KIAA1549: variants seen among roughly 807,000 people sequenced by gnomAD.
KIAA1549 encodes KIAA1549, also known as UPF0606 protein KIAA1549.
In KIAA1549, 70 loss-of-function variants were observed where a neutral mutation model predicts 156.4. That is an observed-to-expected ratio of 0.45 (90% CI 0.37 to 0.55). The LOEUF is 0.55. Ranked by LOEUF, KIAA1549 falls within the 20% of genes least tolerant of loss-of-function variation. KIAA1549 has a pLI of 0.00. For synonymous variants in KIAA1549, 1,103 were observed against 1,066.4 expected, an observed-to-expected ratio of 1.03 and a Z score of -0.67; for missense variants, 2,428 against 2,540.9, an observed-to-expected ratio of 0.96 and a Z score of 0.96.
intron 1 of KIAA1549, among the ~76,000 whole-genome samples, chr7:138,960,251 C>A (rs972715378): frequency 4.6e-5 from 7 of 151,952 alleles, no homozygotes; most frequent in African/African-American, 1.7e-4. Context: ...GCCTGGGCAA[C>A]ATAGTGAGAC....
In KIAA1549 at chr7:138,879,547, G is replaced by A; in HGVS notation, c.4336C>T (p.Pro1446Ser). 6.4e-7 allele frequency: 1 copy of A among 1,559,756 alleles called. No homozygotes were observed. Among genetic ancestry groups the A allele is most frequent in the Non-Finnish European group, 8.7e-7 (1 of 1,151,118 alleles). ...AVNDGRSHRA[P>S]QSGPPLPSSG... The stretch of plus-strand genomic sequence containing the variant: ...CAGAAGAGTCACAGACCGCTCTGCG[G>A]AGCTCTGTGGGACCTGCCATCGTTG... The change falls in exon 12 of 20, where the codon CCG (proline) becomes TCG (serine). Residue 1446 changes from proline to serine, a missense_variant. Coordinates refer to ENST00000422774, the MANE Select transcript of KIAA1549 (RefSeq NM_001164665.2).
chr7:138,922,980 C>G (rs1812605843), intron 1 of KIAA1549, among the ~76,000 whole-genome samples: 2 of 151,772 alleles, frequency 1.3e-5, no homozygotes, highest in Admixed American at 1.3e-4. Flanking sequence ...AAATCCAAAC[C>G]TATACACATC....
intron 12 of KIAA1549, among the ~76,000 whole-genome samples, chr7:138,874,298 C>T (rs977871742): frequency 3.3e-5 from 5 of 151,798 alleles, no homozygotes; most frequent in African/African-American, 4.8e-5. Context: ...ATAAATTTTA[C>T]TATAGAGTCA....
At position 138,834,603 on chromosome 7, in the gene KIAA1549, G is replaced by A; in HGVS notation, c.*3303C>T. 1 of 231,524 alleles carries A rather than the reference G, an allele frequency of 4.3e-6. No individual in the cohort carries two copies. 14.3% of individuals were successfully genotyped at this position (231,524 alleles called of 1,614,324 possible). On this transcript the variant is annotated 3_prime_UTR_variant, in exon 20 of 20. Transcript: ENST00000422774. The stretch of plus-strand genomic sequence containing the variant: ...TGCCAGAGACACCAGAAAGTCGGGA[G>A]CAGAAAGATGCTTAATAAATGCAAT...
At chr7:138,890,757 T>C (rs769345209) in intron 10 of KIAA1549, among the ~76,000 whole-genome samples, 12 of 152,348 alleles carry the variant, frequency 7.9e-5, no homozygotes, top group Admixed American at 2.6e-4. Flanking sequence ...TCACTGTCCA[T>C]ACTGCCTCCC....
intron 15 of KIAA1549, among the ~76,000 whole-genome samples, chr7:138,865,804 C>T (rs1030301999): frequency 6.6e-6 from 1 of 152,136 alleles, no homozygotes; most frequent in African/African-American, 2.4e-5. Flanking sequence ...AAGACAGGTT[C>T]CTCCCCATAC....
intron 1 of KIAA1549, among the ~76,000 whole-genome samples, chr7:138,957,157 T>C (rs1277976506): frequency 6.6e-6 from 1 of 152,126 alleles, no homozygotes. Flanking sequence ...CAGTTCCCCA[T>C]ATGGGGAATG....
At chr7:138,898,878 A>G in intron 9 of KIAA1549, 77 bp downstream of exon 9, 1 of 1,279,996 alleles carries the variant, frequency 7.8e-7, no homozygotes. Flanking sequence ...CTTTACATTC[A>G]GAGCTCACTG....
intron 1 of KIAA1549, among the ~76,000 whole-genome samples, chr7:138,979,838 ATG>A (rs1253528540): frequency 2.0e-5 from 3 of 152,178 alleles, no homozygotes; most frequent in Non-Finnish European, 4.4e-5. Flanking sequence ...AGGTGTGGAT[ATG>A]TCTATGGGCC....
At position 138,972,641 on chromosome 7, in the gene KIAA1549, C is replaced by CA. The variant is rs1307111748; in HGVS notation, c.187+8441dup. On this transcript the variant is annotated intron_variant, in intron 1 of 19. Transcript: ENST00000422774. ...TCCCTAACATCACCACAGATACCCC[C>CA]ATTACCTTGGACTTCACTCCCAACC... is the stretch of plus-strand genomic sequence containing the variant. 2.6e-5 allele frequency among the ~76,000 whole-genome samples: 4 copies of CA among 152,038 alleles called. No individual in the cohort carries two copies. The South Asian group carries it at 6.2e-4, about 24-fold the overall frequency.
At chr7:138,884,954 G>C (rs1179295446) in intron 10 of KIAA1549, among the ~76,000 whole-genome samples, 1 of 152,268 alleles carries the variant, frequency 6.6e-6, no homozygotes, top group African/African-American at 2.4e-5. Flanking sequence ...CCAACACTTT[G>C]GGAGGCTGAG....
intron 15 of KIAA1549, among the ~76,000 whole-genome samples, chr7:138,866,528 G>A (rs1021457811): frequency 3.3e-5 from 5 of 152,176 alleles, no homozygotes; most frequent in Non-Finnish European, 7.4e-5. Context: ...AGTGCCTCCA[G>A]GAGGTGAAAG....
At chr7:138,897,892 C>CAA (rs59242488) in intron 9 of KIAA1549, among the ~76,000 whole-genome samples, 719 of 27,434 alleles carry the variant, frequency 0.026, 75 homozygotes, top group Middle Eastern at 0.083. Flanking sequence ...GACCCTTTCT[C>CAA]AAAAAAAAAA....
At chr7:138,907,467 TAA>T (rs1486377155) in intron 5 of KIAA1549, among the ~76,000 whole-genome samples, 1 of 152,064 alleles carries the variant, frequency 6.6e-6, no homozygotes, top group Non-Finnish European at 1.5e-5. Context: ...TGGATTGATA[TAA>T]ACCAGAACAG....
At chr7:138,926,313 G>T (rs1054395497) in intron 1 of KIAA1549, among the ~76,000 whole-genome samples, 1 of 151,628 alleles carries the variant, frequency 6.6e-6, no homozygotes, top group African/African-American at 2.4e-5. Context: ...TTTGAGACAG[G>T]TTTTGTTGTG....
chr7:138,894,583 T>A (rs1200423044), intron 9 of KIAA1549, 57 bp from the exon 10 acceptor site: 1 of 1,541,586 alleles, frequency 6.5e-7, no homozygotes, highest in Non-Finnish European at 8.9e-7. Context: ...TGCACTAGAT[T>A]GCACGTGTCT....
intron 1 of KIAA1549, among the ~76,000 whole-genome samples, chr7:138,977,364 G>A (rs987293819): frequency 3.9e-5 from 6 of 151,970 alleles, no homozygotes; most frequent in Admixed American, 6.6e-5. Flanking sequence ...CAATAAAACC[G>A]TGCAGGTTAA....
chr7:138,868,139 A>T lies in KIAA1549; in HGVS notation c.4776-11T>A. The T allele has an allele frequency of 6.2e-7, 1 of 1,610,778 alleles. No individual in the cohort carries two copies. Among genetic ancestry groups the T allele is most frequent in the Non-Finnish European group, 8.5e-7 (1 of 1,178,826 alleles). ...CGTTTTATCCGTGAGCTGCCAGGAA[A>T]AAGAGAAATTATCTTCGTAGGAAAT... On this transcript the variant is annotated splice_polypyrimidine_tract_variant and intron_variant, in intron 14 of 19. Transcript: ENST00000422774.
At chr7:138,858,059 T>C (rs1810442655) in intron 16 of KIAA1549, among the ~76,000 whole-genome samples, 1 of 152,164 alleles carries the variant, frequency 6.6e-6, no homozygotes, top group Non-Finnish European at 1.5e-5. Flanking sequence ...TCCCCATCTG[T>C]GCTTTTGGTA....
Sources: allele counts gnomAD v4.1 joint callset (sites outside exome capture counted in the v4.1 genomes callset), GRCh38; gene constraint gnomAD v4.1.1; transcripts MANE v1.5; gene names NCBI Gene and HGNC (gene_info 2026-07-23, HGNC 2026-07-21).